The following RAPGEF4 variants were observed in gnomAD, a reference collection of about 807,000 sequenced individuals.
RAPGEF4 encodes the protein RAP guanine-nucleotide-exchange factor (GEF) 4.
Under a neutral mutation model 147.9 loss-of-function variants are expected in RAPGEF4, and 66 were observed. That is an observed-to-expected ratio of 0.45 (90% CI 0.37 to 0.55). RAPGEF4 has a LOEUF of 0.55. Among genes scored for constraint, RAPGEF4 ranks in the 20% least tolerant of loss-of-function variants. The probability of loss-of-function intolerance (pLI) is 0.00; values close to 1 mark genes in which losing one functional copy is unlikely to be tolerated. For synonymous variants in RAPGEF4, 419 were observed against 442.7 expected, an observed-to-expected ratio of 0.95 and a Z score of 0.67; for missense variants, 1,071 against 1,257.3, an observed-to-expected ratio of 0.85 and a Z score of 2.24.
chr2:172,913,970 C>A (rs1683746419), intron 4 of RAPGEF4, among the ~76,000 whole-genome samples: 1 of 152,178 alleles, frequency 6.6e-6, no homozygotes, highest in African/African-American at 2.4e-5. Context: ...TTCACACACA[C>A]AAACATCTTT....
chr2:172,766,154 T>C (rs1314008865), intron 1 of RAPGEF4, among the ~76,000 whole-genome samples: 1 of 152,208 alleles, frequency 6.6e-6, no homozygotes, highest in East Asian at 1.9e-4. Context: ...GTTGAGGCAC[T>C]GAATTTTTAC....
intron 29 of RAPGEF4, among the ~76,000 whole-genome samples, chr2:173,041,537 A>T (rs185581914): frequency 1.3e-5 from 2 of 152,382 alleles, no homozygotes; most frequent in East Asian, 3.9e-4. Context: ...ACATAAACAC[A>T]TGAAATATTA....
At chr2:172,859,145 A>G (rs1036967585) in intron 4 of RAPGEF4, among the ~76,000 whole-genome samples, 5 of 152,236 alleles carry the variant, frequency 3.3e-5, no homozygotes, top group Non-Finnish European at 5.9e-5. Flanking sequence ...ATGATCATGT[A>G]TTCCCTTAAC....
At chr2:172,929,263 A>G (rs987183572) in intron 6 of RAPGEF4, among the ~76,000 whole-genome samples, 2 of 152,220 alleles carry the variant, frequency 1.3e-5, no homozygotes, top group African/African-American at 4.8e-5. Flanking sequence ...TTTAGGGTTT[A>G]GATTCTCTTC....
chr2:172,775,635 T>C (rs1030352301), intron 1 of RAPGEF4, among the ~76,000 whole-genome samples: 7 of 152,064 alleles, frequency 4.6e-5, no homozygotes, highest in Non-Finnish European at 1.0e-4. Context: ...TCAAGGCATC[T>C]GGCTTTTTTT....
chr2:172,737,500 T>G (rs773397023), intron 1 of RAPGEF4, among the ~76,000 whole-genome samples: 1 of 152,174 alleles, frequency 6.6e-6, no homozygotes, highest in Non-Finnish European at 1.5e-5. Context: ...GCATGGCATT[T>G]TTTGAACAGT....
At chr2:172,914,350 T>A (rs1683804612) in intron 4 of RAPGEF4, among the ~76,000 whole-genome samples, 1 of 50,298 alleles carries the variant, frequency 2.0e-5, no homozygotes. Flanking sequence ...TTTTTTTTTT[T>A]TGGAGACAGA....
intron 4 of RAPGEF4, among the ~76,000 whole-genome samples, chr2:172,857,872 A>C (rs1693611741): frequency 1.2e-5 from 1 of 85,796 alleles, no homozygotes; most frequent in African/African-American, 4.4e-5. Context: ...ACAGAGCAAG[A>C]CCCTGTCTCA....
chr2:172,827,132 T>A (rs1480006793), intron 4 of RAPGEF4, among the ~76,000 whole-genome samples: 1 of 152,188 alleles, frequency 6.6e-6, no homozygotes, highest in East Asian at 1.9e-4. Context: ...AATAAAGTGA[T>A]CATTACTAAA....
At chr2:172,931,641 A>G (rs919468468) in intron 6 of RAPGEF4, among the ~76,000 whole-genome samples, 1 of 152,208 alleles carries the variant, frequency 6.6e-6, no homozygotes, top group Non-Finnish European at 1.5e-5. Flanking sequence ...TTAACCACAA[A>G]GATGAACCGG....
In RAPGEF4 at chr2:173,030,197, TG is replaced by T. The variant is rs1396467370; in HGVS notation, c.2593del (p.Ala865ProfsTer6). The stretch of plus-strand genomic sequence containing the variant: ...AGTATAAAAATCTGAATTCCTTTTT[TG>T]CCATCGTCATGGGACTAAGTAACGT... ...KEYKNLNSFF[A>X]IVMGLSNVAV... On this transcript the variant is annotated frameshift_variant, in exon 26 of 31. Coordinates refer to ENST00000397081, the MANE Select transcript of RAPGEF4 (RefSeq NM_007023.4). LOFTEE classifies it high-confidence loss of function. 1 of 1,613,714 alleles carries T rather than the reference TG, an allele frequency of 6.2e-7. No individual in the cohort carries two copies. The highest frequency in any genetic ancestry group is 8.5e-7 in the Non-Finnish European group (1 of 1,179,584).
At chr2:173,051,305 A>T (rs1297644088) in intron 30 of RAPGEF4, among the ~76,000 whole-genome samples, 2 of 152,220 alleles carry the variant, frequency 1.3e-5, no homozygotes, top group African/African-American at 4.8e-5. Flanking sequence ...AGTGTGAGAC[A>T]CAGAGACCTC....
Position 173,040,188 on chromosome 2 carries a change from C to CAAA in RAPGEF4, c.2853+3509_2853+3511dup, listed in dbSNP as rs1293941383. On this transcript the variant is annotated intron_variant, in intron 29 of 30. Transcript: ENST00000397081. ...GGATGACAAGAGCAAGACTCCATCT[C>CAAA]AAAAAAAAAAAAAAAGAATTGTCCT... 8.2e-3 allele frequency among the ~76,000 whole-genome samples: 763 copies of CAAA among 93,366 alleles called. 12 individuals carry two copies. Among genetic ancestry groups the CAAA allele is most frequent in the African/African-American group, 0.029 (733 of 25,718 alleles). 61.3% of individuals were successfully genotyped at this position (93,366 alleles called of 152,430 possible). A position where few individuals can be genotyped will look rare whatever the true frequency, so the allele number is the denominator to read the frequency against.
At chr2:172,880,310 C>T (rs576862027) in intron 4 of RAPGEF4, among the ~76,000 whole-genome samples, 1 of 152,368 alleles carries the variant, frequency 6.6e-6, no homozygotes, top group African/African-American at 2.4e-5. Context: ...AAATGTGCTT[C>T]TCTAGGCTCC....
rs1695579952 is a variant in RAPGEF4, at chr2:173,017,158, T to C, written c.1899-16T>C. ...AGCAATGGTATTAAATAATGTGCTTTCTCTACTTCTCGTAGCTCAGAAGAT... is the reference window on the plus strand; with the variant it reads ...AGCAATGGTATTAAATAATGTGCTTCCTCTACTTCTCGTAGCTCAGAAGAT... On this transcript the variant is annotated splice_polypyrimidine_tract_variant and intron_variant, in intron 19 of 30. Coordinates refer to ENST00000397081, the MANE Select transcript of RAPGEF4 (RefSeq NM_007023.4). 6.2e-7 allele frequency: 1 copy of C among 1,611,404 alleles called. No homozygotes were observed. Among genetic ancestry groups the C allele is most frequent in the Admixed American group, 1.7e-5 (1 of 60,006 alleles).
intron 10 of RAPGEF4, among the ~76,000 whole-genome samples, chr2:172,977,304 CG>C (rs1553540383): frequency 1.3e-5 from 2 of 152,100 alleles, no homozygotes; most frequent in Non-Finnish European, 2.9e-5. Context: ...CTGTCACCCC[CG>C]TAAAGACCAA....
chr2:172,965,135 C>T (rs1041001440), intron 8 of RAPGEF4: 3 of 176,344 alleles, frequency 1.7e-5, no homozygotes, highest in African/African-American at 7.1e-5. Context: ...CCTCTGAGTG[C>T]CTCATAAACA....
chr2:172,911,693 A>G (rs1426434437), intron 4 of RAPGEF4, among the ~76,000 whole-genome samples: 1 of 150,814 alleles, frequency 6.6e-6, no homozygotes, highest in East Asian at 2.0e-4. Context: ...TCCTGACCTC[A>G]AGTGATCTGC....
chr2:173,029,884 G>C (rs944299398), intron 25 of RAPGEF4, among the ~76,000 whole-genome samples: 33 of 152,204 alleles, frequency 2.2e-4, no homozygotes, highest in African/African-American at 7.7e-4. Flanking sequence ...AGCAAGTTTG[G>C]GATTATAATA....
Sources: allele counts gnomAD v4.1 joint callset (sites outside exome capture counted in the v4.1 genomes callset), GRCh38; gene constraint gnomAD v4.1.1; transcripts MANE v1.5; gene names NCBI Gene and HGNC (gene_info 2026-07-23, HGNC 2026-07-21).